UNC13C: variants seen among roughly 807,000 people sequenced by gnomAD.
The protein encoded by UNC13C is unc-13 homolog C, also known as protein unc-13 homolog C.
A neutral mutation model predicts 245.4 loss-of-function variants in UNC13C; 174 were observed. The ratio of observed to expected loss-of-function variants is 0.71; its 90% CI spans 0.63 to 0.80. UNC13C has a LOEUF of 0.80. UNC13C is among the 30% of genes least tolerant of loss of function. UNC13C has a pLI of 0.00. For missense variants in UNC13C, 2,829 were observed against 2,602.9 expected (o/e 1.09, Z -1.89); for synonymous variants, 992 against 895.1 (o/e 1.11, Z -1.93).
intron 7 of UNC13C, among the ~76,000 whole-genome samples, chr15:54,238,079 T>TTTG (rs1454710084): frequency 3.4e-5 from 5 of 145,754 alleles, no homozygotes; most frequent in Non-Finnish European, 7.5e-5. Context: ...TTTATAGGTT[T>TTTG]TTTTTTTTTT....
chr15:54,137,836 T>TCTTTATTATTTC (rs1305000657), intron 2 of UNC13C, among the ~76,000 whole-genome samples: 1 of 152,188 alleles, frequency 6.6e-6, no homozygotes, highest in Non-Finnish European at 1.5e-5. Context: ...TCTTCTGTAA[T>TCTTTATTATTTC]CTTTATTATT....
At chr15:54,364,082 T>C (rs2039300673) in intron 17 of UNC13C, among the ~76,000 whole-genome samples, 1 of 152,188 alleles carries the variant, frequency 6.6e-6, no homozygotes, top group African/African-American at 2.4e-5. Flanking sequence ...GCTTGACCTT[T>C]ACATATTGCT....
intron 13 of UNC13C, among the ~76,000 whole-genome samples, chr15:54,315,361 T>C (rs549464341): frequency 6.6e-6 from 1 of 151,726 alleles, no homozygotes; most frequent in South Asian, 2.1e-4. Flanking sequence ...TAACTTCTTT[T>C]CTGTCCTATT....
chr15:54,047,754 A>T (rs926981532), intron 2 of UNC13C, among the ~76,000 whole-genome samples: 5 of 152,124 alleles, frequency 3.3e-5, no homozygotes, highest in Non-Finnish European at 5.9e-5. Context: ...TCCATCCTCA[A>T]GTATTTTTGT....
At chr15:54,134,617 T>TCGAA (rs2031635105) in intron 2 of UNC13C, among the ~76,000 whole-genome samples, 1 of 152,138 alleles carries the variant, frequency 6.6e-6, no homozygotes, top group Non-Finnish European at 1.5e-5. Context: ...CCCCCAGGGT[T>TCGAA]CACGCCATTC....
the UNC13C span, among the ~76,000 whole-genome samples, chr15:53,896,545 A>G: frequency 6.6e-6 from 1 of 152,058 alleles, no homozygotes; most frequent in Non-Finnish European, 1.5e-5. Flanking sequence ...AATACATGGG[A>G]TGGTGAAGTG....
intron 4 of UNC13C, among the ~76,000 whole-genome samples, chr15:54,164,360 T>C (rs556723868): frequency 6.6e-6 from 1 of 152,310 alleles, no homozygotes; most frequent in East Asian, 1.9e-4. Context: ...TGTAATAAAT[T>C]GTATATAACG....
chr15:54,602,134 A>C (rs764011293), intron 30 of UNC13C, among the ~76,000 whole-genome samples: 5 of 152,212 alleles, frequency 3.3e-5, no homozygotes, highest in South Asian at 4.1e-4. Flanking sequence ...GAGCTCCTGA[A>C]GGGCCTCTGA....
At chr15:53,987,710 T>C (rs1894207227) in intron 1 of UNC13C, among the ~76,000 whole-genome samples, 1 of 151,988 alleles carries the variant, frequency 6.6e-6, no homozygotes, top group African/African-American at 2.4e-5. Flanking sequence ...CAAGCTTGGG[T>C]TTGAAACATG....
At chr15:54,459,364 T>C (rs1039630878) in intron 19 of UNC13C, among the ~76,000 whole-genome samples, 22 of 152,192 alleles carry the variant, frequency 1.4e-4, no homozygotes. Flanking sequence ...ACCTAATAAC[T>C]ATGTCCCTAG....
At chr15:53,995,629 C>A (rs563189882) in intron 1 of UNC13C, among the ~76,000 whole-genome samples, 1 of 152,046 alleles carries the variant, frequency 6.6e-6, no homozygotes, top group South Asian at 2.1e-4. Flanking sequence ...ACTTTCTGGA[C>A]GAGTCTTAAT....
chr15:54,203,379 G>A (rs929049253), intron 4 of UNC13C, among the ~76,000 whole-genome samples: 4 of 151,158 alleles, frequency 2.6e-5, no homozygotes, highest in Admixed American at 6.6e-5. Flanking sequence ...TTGTACACGC[G>A]TTTATAGCAG....
At chr15:54,138,151 T>C (rs963082546) in intron 2 of UNC13C, among the ~76,000 whole-genome samples, 2 of 152,306 alleles carry the variant, frequency 1.3e-5, no homozygotes, top group African/African-American at 2.4e-5. Context: ...CTTTCAAATA[T>C]TGTGGTCAGA....
At chr15:54,090,217 C>T (rs547477300) in intron 2 of UNC13C, among the ~76,000 whole-genome samples, 1 of 151,888 alleles carries the variant, frequency 6.6e-6, no homozygotes, top group South Asian at 2.1e-4. Context: ...CTCTTTGGGT[C>T]CTTTTAGACT....
intron 30 of UNC13C, among the ~76,000 whole-genome samples, chr15:54,617,731 C>T (rs1190715264): frequency 6.6e-6 from 1 of 152,050 alleles, no homozygotes; most frequent in African/African-American, 2.4e-5. Context: ...AGTCATTGTC[C>T]ATTTATTCAT....
At chr15:54,546,517 CG>C (rs1269576335) in intron 26 of UNC13C, among the ~76,000 whole-genome samples, 1 of 151,820 alleles carries the variant, frequency 6.6e-6, no homozygotes, top group Non-Finnish European at 1.5e-5. Flanking sequence ...TAGAAAACAA[CG>C]TAAGAAAAGA....
intron 19 of UNC13C, among the ~76,000 whole-genome samples, chr15:54,425,235 C>A (rs1327643549): frequency 4.0e-5 from 6 of 151,776 alleles, no homozygotes; most frequent in South Asian, 2.1e-4. Context: ...ATGTAGATGG[C>A]AGAGTTCAAT....
chr15:54,524,869 C>T (rs982271822), intron 24 of UNC13C, among the ~76,000 whole-genome samples: 3 of 152,114 alleles, frequency 2.0e-5, no homozygotes, highest in South Asian at 2.1e-4. Context: ...GAAAGAGTCA[C>T]GTTCCAATTT....
chr15:54,024,460 T>C (rs1896021318), intron 2 of UNC13C, among the ~76,000 whole-genome samples: 1 of 152,122 alleles, frequency 6.6e-6, no homozygotes, highest in Non-Finnish European at 1.5e-5. Context: ...GCAAAATGTT[T>C]TGATGCTGAG....
Sources: gnomAD v4.1 joint callset for allele counts (sites outside exome capture counted in the v4.1 genomes callset) on GRCh38, gnomAD v4.1.1 for gene constraint, MANE v1.5 for transcripts, NCBI Gene and HGNC (gene_info 2026-07-23, HGNC 2026-07-21) for gene names.